TRANK1: variants seen among roughly 807,000 people sequenced by gnomAD.
The protein encoded by TRANK1 is TPR and ankyrin repeat-containing protein 1.
TRANK1 carries 198 observed loss-of-function variants against 266.0 expected under a neutral mutation model. The observed-to-expected ratio is 0.74, with a 90% CI of 0.66 to 0.84. The LOEUF is 0.84. Among genes scored for constraint, TRANK1 ranks in the 40% least tolerant of loss-of-function variants. TRANK1 has a pLI of 0.00. For missense variants in TRANK1, 3,326 were observed against 3,634.6 expected (o/e 0.92, Z 2.18); for synonymous variants, 1,396 against 1,384.1 (o/e 1.01, Z -0.19).
rs1559449205 is a variant in TRANK1, at chr3:36,879,887, A to AATAT, written c.908-5592_908-5591insATAT. Among the ~76,000 whole-genome samples the AATAT allele has an allele frequency of 7.2e-4, 64 of 89,502 alleles. 6 individuals are homozygous for AATAT. Among genetic ancestry groups the AATAT allele is most frequent in the East Asian group, 2.7e-3 (6 of 2,242 alleles). 58.7% of individuals were successfully genotyped at this position (89,502 alleles called of 152,430 possible). A position where few individuals can be genotyped will look rare whatever the true frequency, so the allele number is the denominator to read the frequency against. ...ATATGTAAACATACAAATATATGTAAACATGCAAATATATGTAAACATGCA... is the reference window on the plus strand; with the variant it reads ...ATATGTAAACATACAAATATATGTAAATATACATGCAAATATATGTAAACATGCA... On this transcript the variant is annotated intron_variant, in intron 8 of 23. Transcript: ENST00000645898.
At chr3:36,865,956 G>A (rs970270339) in intron 9 of TRANK1, among the ~76,000 whole-genome samples, 7 of 149,870 alleles carry the variant, frequency 4.7e-5, no homozygotes, top group African/African-American at 1.7e-4. Context: ...GAGAGAGAGA[G>A]ACAGAGAGAG....
chr3:36,910,633 G>A (rs1175137815), intron 1 of TRANK1, among the ~76,000 whole-genome samples: 5 of 152,034 alleles, frequency 3.3e-5, no homozygotes, highest in Non-Finnish European at 5.9e-5. Context: ...CCAGCTACTC[G>A]GGAGGCTGAG....
chr3:36,831,650 C>G lies in TRANK1; in HGVS notation c.7933G>C (p.Asp2645His). 6.2e-7 allele frequency: 1 copy of G among 1,613,994 alleles called. No homozygotes were observed. Among genetic ancestry groups the G allele is most frequent in the Non-Finnish European group, 8.5e-7 (1 of 1,179,884 alleles). ...ACAGGGTCCCACCGCCAGTCACAGT[C>G]CATTAGGTACTCTTCATCCCGCTCA... is the stretch of plus-strand genomic sequence containing the variant. ...LFERDEEYLM[D>H]CDWRWDPVHT... is the part of the protein sequence containing the mutation. The change falls in exon 22 of 24, where the codon GAC (aspartate) becomes CAC (histidine). Residue 2645 changes from aspartate (D) to histidine (H), a missense_variant. Coordinates refer to ENST00000645898, the MANE Select transcript of TRANK1 (RefSeq NM_001329998.2). This position sits in a 1 kb window ranked among gnomAD's most constrained non-coding sequence, Gnocchi z 5.0.
intron 8 of TRANK1, among the ~76,000 whole-genome samples, chr3:36,888,664 GA>G (rs952698776): frequency 9.9e-5 from 15 of 152,162 alleles, no homozygotes; most frequent in African/African-American, 3.6e-4. Flanking sequence ...CACCAGACCA[GA>G]AGTCCCCAAA....
At chr3:36,936,831 AT>A (rs1189539556) in intron 1 of TRANK1, among the ~76,000 whole-genome samples, 2 of 151,968 alleles carry the variant, frequency 1.3e-5, no homozygotes, top group African/African-American at 4.8e-5. Flanking sequence ...GGACGGCATG[AT>A]GGCTCACGCC....
Position 36,944,954 on chromosome 3 carries a change from GC to G in TRANK1, c.-146del. On this transcript the variant is annotated 5_prime_UTR_variant, in exon 1 of 24. Transcript: ENST00000645898. The stretch of plus-strand genomic sequence containing the variant: ...CGCGATGCAGAGGCGGCGTTCGGGG[GC>G]CCCCAGCTGCCTGCGGCTCGGCTAC... 5.4e-6 allele frequency: 4 copies of G among 742,258 alleles called. No individual in the cohort carries two copies. The highest frequency in any genetic ancestry group is 7.8e-6 in the Non-Finnish European group (4 of 513,724). The allele number at this position is 742,258 out of a possible 1,614,324, so 46.0% of individuals were successfully genotyped here. A position where few individuals can be genotyped will look rare whatever the true frequency, so the allele number is the denominator to read the frequency against.
chr3:36,846,500 A>G (rs1361069098), intron 16 of TRANK1, 96 bp from the exon 17 acceptor site: 1 of 1,296,226 alleles, frequency 7.7e-7, no homozygotes, highest in Non-Finnish European at 1.1e-6. Flanking sequence ...GGAAAAACAC[A>G]AAAACTAAAT....
intron 1 of TRANK1, among the ~76,000 whole-genome samples, chr3:36,913,256 G>A (rs1349247933): frequency 1.3e-5 from 2 of 151,986 alleles, no homozygotes; most frequent in Non-Finnish European, 2.9e-5. Context: ...TCCCCATGTT[G>A]GCCAGACTGG....
intron 1 of TRANK1, among the ~76,000 whole-genome samples, chr3:36,925,112 A>G (rs1448195866): frequency 2.6e-5 from 4 of 152,040 alleles, no homozygotes; most frequent in Non-Finnish European, 5.9e-5. Context: ...GAGGCACACA[A>G]ACTCTCCTGT....
intron 14 of TRANK1, 88 bp downstream of exon 14, chr3:36,852,058 G>T: frequency 7.1e-7 from 1 of 1,412,792 alleles, no homozygotes; most frequent in Non-Finnish European, 9.4e-7. Context: ...TATTTTTAAT[G>T]CTACTTTGTG....
chr3:36,900,919 C>T (rs560036589), intron 3 of TRANK1, among the ~76,000 whole-genome samples: 16 of 136,976 alleles, frequency 1.2e-4, no homozygotes, highest in African/African-American at 4.0e-4. Context: ...AAAGGAAGTA[C>T]TTTAAAACTC....
In TRANK1 at chr3:36,858,706, A is replaced by C. The variant is rs1265271618; in HGVS notation, c.1672+12T>G. The C allele has an allele frequency of 1.3e-6, 2 of 1,489,098 alleles. No individual in the cohort carries two copies. The highest frequency in any genetic ancestry group is 2.6e-5 in the South Asian group (2 of 77,766). 92.2% of individuals were successfully genotyped at this position (1,489,098 alleles called of 1,614,324 possible). A position where few individuals can be genotyped will look rare whatever the true frequency, so the allele number is the denominator to read the frequency against. ...CCTCAAGGAGACGGCTGCTTAAAAA[A>C]CAAGGGCTTACCTTTAATCTCTAGA... On this transcript the variant is annotated intron_variant, in intron 12 of 23. Coordinates refer to ENST00000645898, the MANE Select transcript of TRANK1 (RefSeq NM_001329998.2).
chr3:36,846,445 C>A, intron 16 of TRANK1, 41 bp from the exon 17 acceptor site: 1 of 1,580,998 alleles, frequency 6.3e-7, no homozygotes, highest in Non-Finnish European at 8.6e-7. Flanking sequence ...AGCCATTTGT[C>A]TATAGCTACA....
chr3:36,857,955 G>T lies in TRANK1; in HGVS notation c.1767C>A (p.Ser589Arg). 6.2e-7 allele frequency: 1 copy of T among 1,601,832 alleles called. No homozygotes were observed. The highest frequency in any genetic ancestry group is 8.5e-7 in the Non-Finnish European group (1 of 1,179,800). Residue 589 changes from serine (S) to arginine (R), a missense_variant, in exon 13 of 24, where the codon AGC becomes AGA. Ser to Arg is a moderately radical substitution (Grantham distance 110). Coordinates refer to ENST00000645898, the MANE Select transcript of TRANK1 (RefSeq NM_001329998.2). This position sits in a 1 kb window ranked among gnomAD's most constrained non-coding sequence, Gnocchi z 4.3. ...GGATGTGCATCAGCGTGTTCCCATT[G>T]CTGTCCTGGACATTGGGGTTGAGGT... The part of the protein sequence containing the change: ...FDYLNPNVQD[S>R]NGNTLMHILF...
Position 36,915,396 on chromosome 3 carries a change from T to C in TRANK1, c.24-6942A>G, listed in dbSNP as rs113478564. 2.0e-3 allele frequency among the ~76,000 whole-genome samples: 301 copies of C among 152,350 alleles called. 2 individuals are homozygous for C. The highest frequency in any genetic ancestry group is 3.1e-3 in the Non-Finnish European group (213 of 68,034). ...TTATTATTTCTTTGTGTTGGGAATG[T>C]TCAATATCCTCCTTCTAGCTATTTG... On this transcript the variant is annotated intron_variant, in intron 1 of 23. Transcript: ENST00000645898.
At chr3:36,931,616 G>A (rs977440922) in intron 1 of TRANK1, among the ~76,000 whole-genome samples, 21 of 152,146 alleles carry the variant, frequency 1.4e-4, no homozygotes, top group African/African-American at 4.8e-4. Flanking sequence ...GAGGCAGAAG[G>A]ATCACTTGAG....
Position 36,944,799 on chromosome 3 carries a change from G to A in TRANK1, c.11C>T (p.Pro4Leu). The change falls in exon 1 of 24, where the codon CCG becomes CTG. Residue 4 changes from proline to leucine, a missense_variant. Physicochemically the swap from Pro to Leu is moderately conservative, Grantham distance 98 (BLOSUM62 -3). Transcript: ENST00000645898. ...CGCCGCTACGCACCTAGCTGCCCGC[G>A]GGTCCCACATGGCTGCGGCCGGAGG... MWD[P>L]RAARMDLTAY... is the part of the protein sequence containing the mutation. 1 of 1,493,196 alleles carries A rather than the reference G, an allele frequency of 6.7e-7. No individual in the cohort carries two copies. The highest frequency in any genetic ancestry group is 8.9e-7 in the Non-Finnish European group (1 of 1,128,466). The allele number at this position is 1,493,196 out of a possible 1,614,324, so 92.5% of individuals were successfully genotyped here.
chr3:36,940,967 A>G (rs769248014), intron 1 of TRANK1, among the ~76,000 whole-genome samples: 85 of 152,224 alleles, frequency 5.6e-4, no homozygotes, highest in Non-Finnish European at 9.4e-4. Context: ...TTGAGCCTCC[A>G]GGTAGAGTGG....
chr3:36,940,124 A>G (rs1013393526), intron 1 of TRANK1, among the ~76,000 whole-genome samples: 1 of 151,368 alleles, frequency 6.6e-6, no homozygotes, highest in South Asian at 2.1e-4. Flanking sequence ...ACCACAGGTG[A>G]TCTACCCGCC....
Sources: gnomAD v4.1 joint callset for allele counts (sites outside exome capture counted in the v4.1 genomes callset) on GRCh38, gnomAD v4.1.1 for gene constraint, Gnocchi (gnomAD v3.1) non-coding constraint, MANE v1.5 for transcripts, NCBI Gene and HGNC (gene_info 2026-07-23, HGNC 2026-07-21) for gene names.